Variants in TIMM29 observed in about 807,000 individuals in gnomAD.
The protein encoded by TIMM29 is translocase of inner mitochondrial membrane 29.
In TIMM29, 23 loss-of-function variants were observed where a neutral mutation model predicts 19.5. That is an observed-to-expected ratio of 1.18 (90% CI 0.85 to 1.67). The LOEUF (loss-of-function observed/expected upper bound fraction) is 1.67. TIMM29 is among the 40% of genes most tolerant of loss of function. The pLI is 0.00. For missense variants in TIMM29, 404 were observed against 384.7 expected (o/e 1.05, Z -0.42); for synonymous variants, 209 against 185.0 (o/e 1.13, Z -1.05).
chr19:10,929,595 C>G lies in TIMM29; in HGVS notation c.676C>G (p.Gln226Glu). ...KYKPVVLTDD[Q>E]VDQALWEEQV... ...CAAGCCTGTCGTGCTCACCGACGATCAGGTGGACCAGGCGCTGTGGGAGGA... is the reference window on the plus strand; with the variant it reads ...CAAGCCTGTCGTGCTCACCGACGATGAGGTGGACCAGGCGCTGTGGGAGGA... Residue 226 changes from glutamine to glutamate, a missense_variant, in exon 2 of 2, where the codon CAG (glutamine) becomes GAG (glutamate). Coordinates refer to ENST00000270502, the MANE Select transcript of TIMM29 (RefSeq NM_138358.4). 4.3e-6 allele frequency: 7 copies of G among 1,613,060 alleles called. No individual in the cohort carries two copies. The highest frequency in any genetic ancestry group is 5.9e-6 in the Non-Finnish European group (7 of 1,180,022).
Position 10,928,881 on chromosome 19 carries a change from C to T in TIMM29, c.59C>T (p.Ala20Val). 1.3e-6 allele frequency: 2 copies of T among 1,526,708 alleles called. No homozygotes were observed. The highest frequency in any genetic ancestry group is 1.8e-6 in the Non-Finnish European group (2 of 1,142,558). 94.6% of individuals were successfully genotyped at this position (1,526,708 alleles called of 1,614,324 possible). A position where few individuals can be genotyped will look rare whatever the true frequency, so the allele number is the denominator to read the frequency against. ...CGGCGCCGCGCAGAGGCGGGCGACG[C>T]GGTAGTGGCGAAGCCGGGAGTGTGG... ...WSRRRAEAGD[A>V]VVAKPGVWAR... Residue 20 changes from alanine to valine, a missense_variant, in exon 1 of 2, where the codon GCG becomes GTG. Transcript: ENST00000270502.
Position 10,929,121 on chromosome 19 carries a change from G to T in TIMM29, c.202G>T (p.Gly68Cys). 1 of 1,456,010 alleles carries T rather than the reference G, an allele frequency of 6.9e-7. No homozygotes were observed. The highest frequency in any genetic ancestry group is 9.0e-7 in the Non-Finnish European group (1 of 1,116,494). 90.2% of individuals were successfully genotyped at this position (1,456,010 alleles called of 1,614,324 possible). ...GRAAVYVGLL[G>C]GAAACFTLAP... ...CGCCGCTGTGTATGTGGGTCTGCTG[G>T]GCGGCGCGGCGGCCTGCTTCACGCT... The change falls in exon 2 of 2, where the codon GGC becomes TGC. Residue 68 changes from glycine (G) to cysteine (C), a missense_variant. Transcript: ENST00000270502.
At chr19:10,928,978 G>A in intron 1 of TIMM29, 36 bp from the exon 2 acceptor site, 2 of 1,465,960 alleles carry the variant, frequency 1.4e-6, no homozygotes, top group Non-Finnish European at 1.8e-6. Context: ...TGGCCGCCGC[G>A]GCCGGATCAC....
Position 10,928,820 on chromosome 19 carries a change from A to T in TIMM29, c.-3A>T, listed in dbSNP as rs1260805319. The T allele has an allele frequency of 6.5e-7, 1 of 1,529,032 alleles. No individual in the cohort carries two copies. 94.7% of individuals were successfully genotyped at this position (1,529,032 alleles called of 1,614,324 possible). Reference sequence around the variant, plus strand: ...GGAGCAAGGACCCCCAAGACGGAAGAGGATGGCCGCGGCGGCTCTGAGGAG... The same window carrying T: ...GGAGCAAGGACCCCCAAGACGGAAGTGGATGGCCGCGGCGGCTCTGAGGAG... On this transcript the variant is annotated 5_prime_UTR_variant, in exon 1 of 2. Coordinates refer to ENST00000270502, the MANE Select transcript of TIMM29 (RefSeq NM_138358.4).
rs2083482034 is a variant in TIMM29, at chr19:10,929,976, T to C, written c.*274T>C. 1 of 408,898 alleles carries C rather than the reference T, an allele frequency of 2.4e-6. No individual in the cohort carries two copies. Among genetic ancestry groups the C allele is most frequent in the Admixed American group, 4.1e-5 (1 of 24,160 alleles). The allele number at this position is 408,898 out of a possible 1,614,324, so 25.3% of individuals were successfully genotyped here. A position where few individuals can be genotyped will look rare whatever the true frequency, so the allele number is the denominator to read the frequency against. On this transcript the variant is annotated 3_prime_UTR_variant, in exon 2 of 2. Transcript: ENST00000270502. ...GTCATGAGCCTTTTATATAAGCCTTTTTCATCGGGCCTCAGAGGCCCTCCT... is the reference window on the plus strand; with the variant it reads ...GTCATGAGCCTTTTATATAAGCCTTCTTCATCGGGCCTCAGAGGCCCTCCT...
In TIMM29 at chr19:10,929,509, G is replaced by C. The variant is rs750912802; in HGVS notation, c.590G>C (p.Arg197Pro). Residue 197 changes from arginine (R) to proline (P), a missense_variant, in exon 2 of 2, where the codon CGG becomes CCG. By Grantham distance (103) the Arg-to-Pro change is moderately radical (BLOSUM62 -2). Transcript: ENST00000270502. ...DEFLHLPAHL[R>P]VVGPQQLHSE... ...TTCCTGCACCTGCCGGCGCATTTGC[G>C]GGTGGTCGGGCCCCAGCAGCTGCAT... 4 of 1,612,970 alleles carry C rather than the reference G, an allele frequency of 2.5e-6. No individual in the cohort carries two copies. The highest frequency in any genetic ancestry group is 2.5e-6 in the Non-Finnish European group (3 of 1,180,046).
rs779634694 is a variant in TIMM29 at position 10,929,450 on chromosome 19, C to T, written c.531C>T (p.Ala177=). Residue 177 remains alanine (A), a synonymous_variant, in exon 2 of 2, where the codon GCC becomes GCT. Coordinates refer to ENST00000270502, the MANE Select transcript of TIMM29 (RefSeq NM_138358.4). ...GFVGRWWVLG[A]WMRDCDINDD... ...TGGGTCGCTGGTGGGTGCTGGGGGC[C>T]TGGATGCGCGACTGCGACATCAACG... 2 of 1,612,776 alleles carry T rather than the reference C, an allele frequency of 1.2e-6. No individual in the cohort carries two copies. The highest frequency in any genetic ancestry group is 1.7e-6 in the Non-Finnish European group (2 of 1,179,990).
In TIMM29 at chr19:10,929,221, C is replaced by T. The variant is rs2083472755; in HGVS notation, c.302C>T (p.Thr101Ile). 4.7e-6 allele frequency: 7 copies of T among 1,489,074 alleles called. No individual in the cohort carries two copies. The highest frequency in any genetic ancestry group is 5.3e-6 in the Non-Finnish European group (6 of 1,125,190). The allele number at this position is 1,489,074 out of a possible 1,614,324, so 92.2% of individuals were successfully genotyped here. ...ACCCTCCTGCTGCTGGCGCCGGCCA[C>T]CCGCAACCGCGAGTCCGAAGCCTTC... is the stretch of plus-strand genomic sequence containing the variant. ...SGTLLLLAPA[T>I]RNRESEAFVQ... Residue 101 changes from threonine (T) to isoleucine (I), a missense_variant, in exon 2 of 2, where the codon ACC becomes ATC. By Grantham distance (89) the Thr-to-Ile change is moderately conservative. Transcript: ENST00000270502.
Position 10,928,821 on chromosome 19 carries a change from G to A in TIMM29, c.-2G>A. ...GAGCAAGGACCCCCAAGACGGAAGA[G>A]GATGGCCGCGGCGGCTCTGAGGAGA... On this transcript the variant is annotated 5_prime_UTR_variant, in exon 1 of 2. Coordinates refer to ENST00000270502, the MANE Select transcript of TIMM29 (RefSeq NM_138358.4). The A allele has an allele frequency of 6.5e-7, 1 of 1,529,800 alleles. No homozygotes were observed. The highest frequency in any genetic ancestry group is 1.4e-5 in the African/African-American group (1 of 69,922). 94.8% of individuals were successfully genotyped at this position (1,529,800 alleles called of 1,614,324 possible). A position where few individuals can be genotyped will look rare whatever the true frequency, so the allele number is the denominator to read the frequency against.
In TIMM29 at chr19:10,929,310, T is replaced by C. The variant is rs1436945959; in HGVS notation, c.391T>C (p.Ser131Pro). Residue 131 changes from serine (S) to proline (P), a missense_variant, in exon 2 of 2, where the codon TCG becomes CCG. By Grantham distance (74) the Ser-to-Pro change is moderately conservative (BLOSUM62 -1). Coordinates refer to ENST00000270502, the MANE Select transcript of TIMM29 (RefSeq NM_138358.4). ...RLRYVNLGLCSLVYEAPFDAQ... is the reference protein window; with the variant it reads ...RLRYVNLGLCPLVYEAPFDAQ... ...GCGCTACGTCAACCTGGGGCTCTGC[T>C]CGCTGGTGTACGAGGCGCCCTTCGA... The C allele has an allele frequency of 8.4e-6, 13 of 1,550,082 alleles. No homozygotes were observed. Among genetic ancestry groups the C allele is most frequent in the Admixed American group, 1.9e-5 (1 of 51,788 alleles).
chr19:10,929,553 C>T lies in TIMM29; in HGVS notation c.634C>T (p.Leu212Phe), dbSNP rs754907453. Residue 212 changes from leucine to phenylalanine, a missense_variant, in exon 2 of 2, where the codon CTC (leucine) becomes TTC (phenylalanine). Leu to Phe is a conservative substitution (Grantham distance 22). Coordinates refer to ENST00000270502, the MANE Select transcript of TIMM29 (RefSeq NM_138358.4). ...QQLHSETNER[L>F]FDEKYKPVVL... ...GCTGCATTCCGAGACCAACGAGCGG[C>T]TCTTCGATGAGAAGTACAAGCCTGT... 7.4e-6 allele frequency: 12 copies of T among 1,612,960 alleles called. No individual in the cohort carries two copies. In the East Asian group the frequency reaches 2.0e-4, roughly 27 times the overall value.
rs747219295 is a variant in TIMM29, at chr19:10,928,868, G to A, written c.46G>A (p.Glu16Lys). The A allele has an allele frequency of 6.5e-7, 1 of 1,529,424 alleles. No individual in the cohort carries two copies. The highest frequency in any genetic ancestry group is 1.4e-5 in the African/African-American group (1 of 69,732). The allele number at this position is 1,529,424 out of a possible 1,614,324, so 94.7% of individuals were successfully genotyped here. ...LRRFWSRRRA[E>K]AGDAVVAKPG... The stretch of plus-strand genomic sequence containing the variant: ...GAGATTTTGGTCCCGGCGCCGCGCA[G>A]AGGCGGGCGACGCGGTAGTGGCGAA... Residue 16 changes from glutamate (E) to lysine (K), a missense_variant, in exon 1 of 2, where the codon GAG (glutamate) becomes AAG (lysine). Transcript: ENST00000270502.
At position 10,929,352 on chromosome 19, in the gene TIMM29, T is replaced by C. The variant is rs2083474545; in HGVS notation, c.433T>C (p.Tyr145His). The change falls in exon 2 of 2, where the codon TAC (tyrosine) becomes CAC (histidine). Residue 145 changes from tyrosine (Y) to histidine (H), a missense_variant. Transcript: ENST00000270502. ...EAPFDAQASLYQARCRYLQPR... is the reference protein window; with the variant it reads ...EAPFDAQASLHQARCRYLQPR... ...GCCCTTCGACGCCCAGGCCAGCCTC[T>C]ACCAGGCGCGTTGCCGCTACCTGCA... The C allele has an allele frequency of 6.3e-6, 10 of 1,585,234 alleles. No homozygotes were observed. Among genetic ancestry groups the C allele is most frequent in the Non-Finnish European group, 8.5e-6 (10 of 1,170,036 alleles).
Position 10,929,069 on chromosome 19 carries a change from G to A in TIMM29, c.150G>A (p.Ser50=). The part of the protein sequence containing the change: ...RDYAEACRDA[S]AEARARPGRA... ...ACGCCGAGGCCTGCAGGGACGCTTC[G>A]GCGGAGGCTAGGGCCCGGCCGGGGC... The change falls in exon 2 of 2, where the codon TCG becomes TCA. Residue 50 remains serine (S), a synonymous_variant. Coordinates refer to ENST00000270502, the MANE Select transcript of TIMM29 (RefSeq NM_138358.4). 7 of 1,465,656 alleles carry A rather than the reference G, an allele frequency of 4.8e-6. No homozygotes were observed. Among genetic ancestry groups the A allele is most frequent in the Non-Finnish European group, 6.2e-6 (7 of 1,121,874 alleles). The allele number at this position is 1,465,656 out of a possible 1,614,324, so 90.8% of individuals were successfully genotyped here.
chr19:10,929,317 T>C lies in TIMM29; in HGVS notation c.398T>C (p.Val133Ala). ...GTCAACCTGGGGCTCTGCTCGCTGGTGTACGAGGCGCCCTTCGACGCCCAG... is the reference window on the plus strand; with the variant it reads ...GTCAACCTGGGGCTCTGCTCGCTGGCGTACGAGGCGCCCTTCGACGCCCAG... ...RYVNLGLCSL[V>A]YEAPFDAQAS... The change falls in exon 2 of 2, where the codon GTG becomes GCG. Residue 133 changes from valine to alanine, a missense_variant. Coordinates refer to ENST00000270502, the MANE Select transcript of TIMM29 (RefSeq NM_138358.4). 1 of 1,553,666 alleles carries C rather than the reference T, an allele frequency of 6.4e-7. No individual in the cohort carries two copies. The highest frequency in any genetic ancestry group is 1.4e-5 in the African/African-American group (1 of 73,636).
chr19:10,929,489 G>C lies in TIMM29; in HGVS notation c.570G>C (p.Leu190=), dbSNP rs776034474. ...RDCDINDDEF[L]HLPAHLRVVG... ...GCGACATCAACGACGACGAATTCCT[G>C]CACCTGCCGGCGCATTTGCGGGTGG... Residue 190 remains leucine (L), a synonymous_variant, in exon 2 of 2, where the codon CTG becomes CTC. Coordinates refer to ENST00000270502, the MANE Select transcript of TIMM29 (RefSeq NM_138358.4). 1 of 1,613,062 alleles carries C rather than the reference G, an allele frequency of 6.2e-7. No individual in the cohort carries two copies. The highest frequency in any genetic ancestry group is 8.5e-7 in the Non-Finnish European group (1 of 1,180,022).
Position 10,930,099 on chromosome 19 carries a change from C to A in TIMM29, c.*397C>A, listed in dbSNP as rs953583311. The A allele has an allele frequency of 5.9e-6, 1 of 170,692 alleles. No homozygotes were observed. The highest frequency in any genetic ancestry group is 2.4e-5 in the African/African-American group (1 of 41,994). The allele number at this position is 170,692 out of a possible 1,614,324, so 10.6% of individuals were successfully genotyped here. On this transcript the variant is annotated 3_prime_UTR_variant, in exon 2 of 2. Coordinates refer to ENST00000270502, the MANE Select transcript of TIMM29 (RefSeq NM_138358.4). Reference sequence around the variant, plus strand: ...GGGTTGTGGCCTGGCATGGTGATGTCTGTAATCCCAGCAGTTTGCAAACTG... The same window carrying A: ...GGGTTGTGGCCTGGCATGGTGATGTATGTAATCCCAGCAGTTTGCAAACTG...
At position 10,929,812 on chromosome 19, in the gene TIMM29, A is replaced by C; in HGVS notation, c.*110A>C. On this transcript the variant is annotated 3_prime_UTR_variant, in exon 2 of 2. Coordinates refer to ENST00000270502, the MANE Select transcript of TIMM29 (RefSeq NM_138358.4). ...CAGATGATGTGCAAAGTGTTTTCTC[A>C]CTGGATTTGCACAAGTTTGGGGAGC... is the stretch of plus-strand genomic sequence containing the variant. 4.1e-5 allele frequency: 50 copies of C among 1,215,582 alleles called. No homozygotes were observed. Among genetic ancestry groups the C allele is most frequent in the Non-Finnish European group, 5.0e-5 (45 of 891,796 alleles). The allele number at this position is 1,215,582 out of a possible 1,614,324, so 75.3% of individuals were successfully genotyped here.
chr19:10,929,591 C>G lies in TIMM29; in HGVS notation c.672C>G (p.Asp224Glu), dbSNP rs2083478219. ...AGTACAAGCCTGTCGTGCTCACCGA[C>G]GATCAGGTGGACCAGGCGCTGTGGG... ...DEKYKPVVLT[D>E]DQVDQALWEE... The change falls in exon 2 of 2, where the codon GAC becomes GAG. Residue 224 changes from aspartate to glutamate, a missense_variant. Physicochemically the swap from Asp to Glu is conservative, Grantham distance 45 (BLOSUM62 2). Coordinates refer to ENST00000270502, the MANE Select transcript of TIMM29 (RefSeq NM_138358.4). The G allele has an allele frequency of 1.2e-6, 2 of 1,613,056 alleles. No homozygotes were observed. The highest frequency in any genetic ancestry group is 1.7e-6 in the Non-Finnish European group (2 of 1,180,022).
Sources: allele counts gnomAD v4.1 joint callset, GRCh38; gene constraint gnomAD v4.1.1; transcripts MANE v1.5; gene names NCBI Gene and HGNC (gene_info 2026-07-23, HGNC 2026-07-21).